OSBP2: variants seen among roughly 807,000 people sequenced by gnomAD.
OSBP2 encodes the protein oxysterol binding protein 2.
A neutral mutation model predicts 96.0 loss-of-function variants in OSBP2; 66 were observed. That is an observed-to-expected ratio of 0.69 (90% CI 0.56 to 0.84). The LOEUF (loss-of-function observed/expected upper bound fraction) is 0.84. OSBP2 is among the 40% of genes least tolerant of loss of function. The probability of loss-of-function intolerance (pLI) is 0.00; values close to 1 mark genes in which losing one functional copy is unlikely to be tolerated. For synonymous variants in OSBP2, 525 were observed against 520.9 expected, an observed-to-expected ratio of 1.01 and a Z score of -0.11; for missense variants, 1,038 against 1,222.7, an observed-to-expected ratio of 0.85 and a Z score of 2.25.
intron 2 of OSBP2, among the ~76,000 whole-genome samples, chr22:30,745,491 T>G (rs888856268): frequency 6.6e-6 from 1 of 151,766 alleles, no homozygotes; most frequent in Admixed American, 6.6e-5. Flanking sequence ...TAAGCCCCAT[T>G]TCTACTAAAA....
At chr22:30,753,204 G>C (rs938276100) in intron 2 of OSBP2, among the ~76,000 whole-genome samples, 17 of 152,150 alleles carry the variant, frequency 1.1e-4, no homozygotes, top group African/African-American at 3.9e-4. Flanking sequence ...ATATGGATTA[G>C]CACAGTGTAA....
At chr22:30,864,612 G>A (rs1440106726) in intron 2 of OSBP2, among the ~76,000 whole-genome samples, 3 of 152,176 alleles carry the variant, frequency 2.0e-5, no homozygotes, top group East Asian at 1.9e-4. Context: ...CCAGGACCCC[G>A]TGAGTGCGCA....
At chr22:30,857,436 C>T (rs1477209656) in intron 2 of OSBP2, among the ~76,000 whole-genome samples, 2 of 152,212 alleles carry the variant, frequency 1.3e-5, no homozygotes, top group East Asian at 1.9e-4. Flanking sequence ...CTCTGCAGCG[C>T]ATTTGGGTGG....
intron 2 of OSBP2, among the ~76,000 whole-genome samples, chr22:30,865,224 C>T (rs765911830): frequency 1.3e-5 from 2 of 152,156 alleles, no homozygotes; most frequent in Admixed American, 6.5e-5. Context: ...GCCAGAGCCA[C>T]CTATTACAGG....
chr22:30,785,747 T>G (rs998116760), intron 2 of OSBP2, among the ~76,000 whole-genome samples: 1 of 152,042 alleles, frequency 6.6e-6, no homozygotes, highest in African/African-American at 2.4e-5. Context: ...TGGGGGCAGA[T>G]TTCCCCCCTG....
At chr22:30,822,498 C>G (rs973685262) in intron 2 of OSBP2, 17 of 1,134,744 alleles carry the variant, frequency 1.5e-5, no homozygotes, top group Non-Finnish European at 1.9e-5. Flanking sequence ...ATTGTGGTAA[C>G]GCGGCGCCGG....
At chr22:30,717,107 T>G (rs1365997362) in intron 1 of OSBP2, among the ~76,000 whole-genome samples, 1 of 144,974 alleles carries the variant, frequency 6.9e-6, no homozygotes, top group Non-Finnish European at 1.5e-5. Context: ...TGTGTGTGTG[T>G]GTGTGTGTGT....
At position 30,883,358 on chromosome 22, in the gene OSBP2, G is replaced by A. The variant is rs190188440; in HGVS notation, c.1108-4068G>A. 2.0e-3 allele frequency among the ~76,000 whole-genome samples: 304 copies of A among 152,320 alleles called. 2 individuals carry two copies. The highest frequency in any genetic ancestry group is 3.2e-3 in the Non-Finnish European group (221 of 68,016). ...CCGATTAGCCCCTTCTCCCAGTCCC[G>A]GGATGCAGGGGACTTCCCTGAAGCA... is the stretch of plus-strand genomic sequence containing the variant. On this transcript the variant is annotated intron_variant, in intron 3 of 13. Coordinates refer to ENST00000332585, the MANE Select transcript of OSBP2 (RefSeq NM_030758.4).
rs376739005 is a variant in OSBP2 at position 30,870,398 on chromosome 22, A to G, written c.854-31A>G. The G allele has an allele frequency of 6.2e-6, 10 of 1,611,106 alleles. No homozygotes were observed. The African/African-American group carries it at 1.2e-4, about 19-fold the overall frequency. The stretch of plus-strand genomic sequence containing the variant: ...CCTCTTGGTACCACGTCTGTTCGTA[A>G]TGACCGTAACAACTCTATTTTCTTC... On this transcript the variant is annotated intron_variant, in intron 2 of 13. Transcript: ENST00000332585. This position sits in a 1 kb window ranked among gnomAD's most constrained non-coding sequence, Gnocchi z 4.1.
In OSBP2 at chr22:30,706,984, C is replaced by T. The variant is rs8141399; in HGVS notation, c.644+11431C>T. 6.7e-3 allele frequency among the ~76,000 whole-genome samples: 1,024 copies of T among 152,272 alleles called. 12 individuals carry two copies. Among genetic ancestry groups the T allele is most frequent in the African/African-American group, 0.022 (896 of 41,558 alleles). ...AGCTGGGTATTCGTCCTTCTCTCTC[C>T]GTTAGATCAATACCTCCCTCCTCCC... On this transcript the variant is annotated intron_variant, in intron 1 of 13. Transcript: ENST00000332585.
chr22:30,854,777 G>C (rs1011641329), intron 2 of OSBP2, among the ~76,000 whole-genome samples: 2 of 152,098 alleles, frequency 1.3e-5, no homozygotes, highest in African/African-American at 4.8e-5. Flanking sequence ...TATGGAGTAA[G>C]TGTACTTGTC....
At chr22:30,844,596 A>C (rs1265177804) in intron 2 of OSBP2, 1 of 152,774 alleles carries the variant, frequency 6.5e-6, no homozygotes, top group African/African-American at 2.4e-5. Flanking sequence ...AAGAGAGTTA[A>C]GGGCTTGCTC....
At chr22:30,730,716 G>GTGTCTCTCTCTCTCTCTCTCTC (rs2089736793) in intron 1 of OSBP2, among the ~76,000 whole-genome samples, 1 of 19,962 alleles carries the variant, frequency 5.0e-5, no homozygotes, top group Non-Finnish European at 9.6e-5. Flanking sequence ...TCGCTGCCCT[G>GTGTCTCTCTCTCTCTCTCTCTC]TCTCTCTCTC....
At chr22:30,854,931 T>C (rs907874394) in intron 2 of OSBP2, among the ~76,000 whole-genome samples, 1 of 151,986 alleles carries the variant, frequency 6.6e-6, no homozygotes, top group African/African-American at 2.4e-5. Context: ...CATGTCCTTC[T>C]TCACATGGCA....
chr22:30,891,227 C>T (rs9606782), intron 8 of OSBP2, among the ~76,000 whole-genome samples: 4 of 152,254 alleles, frequency 2.6e-5, no homozygotes, highest in African/African-American at 9.6e-5. Context: ...TTGCAGGGAG[C>T]GGGAGGATAA....
chr22:30,904,140 GCCTAGGAAAGAGAC>G (rs919274366), intron 12 of OSBP2, among the ~76,000 whole-genome samples: 4 of 152,204 alleles, frequency 2.6e-5, no homozygotes, highest in African/African-American at 7.2e-5. Context: ...GGCAGCAAGG[GCCTAGGAAAGAGAC>G]CCTTGCAGGG....
chr22:30,906,018 C>A lies in OSBP2; in HGVS notation c.2557C>A (p.Arg853Ser). The part of the protein sequence containing the change: ...RLEEKQRLSR[R>S]RRLEACGPGS... ...GGAGGAGAAGCAGCGCCTGTCGCGG[C>A]GCCGGCGGCTGGAGGCCTGCGGGCC... Residue 853 changes from arginine (R) to serine (S), a missense_variant, in exon 13 of 14, where the codon CGC (arginine) becomes AGC (serine). Physicochemically the swap from Arg to Ser is moderately radical, Grantham distance 110 (BLOSUM62 -1). Around this residue, in one of 3 missense-constraint regions of OSBP2, gnomAD observed 737 missense variants for 913.3 expected, o/e 0.81. Transcript: ENST00000332585. The A allele has an allele frequency of 1.3e-6, 2 of 1,575,508 alleles. No homozygotes were observed. The highest frequency in any genetic ancestry group is 2.3e-5 in the South Asian group (2 of 87,402).
At chr22:30,826,797 G>A (rs1328421048) in intron 2 of OSBP2, among the ~76,000 whole-genome samples, 2 of 152,166 alleles carry the variant, frequency 1.3e-5, no homozygotes, top group Admixed American at 6.5e-5. Flanking sequence ...CTCTGGTTGG[G>A]GGCCTCAGCT....
Position 30,865,096 on chromosome 22 carries a change from A to G in OSBP2, c.854-5333A>G, listed in dbSNP as rs142720771. On this transcript the variant is annotated intron_variant, in intron 2 of 13. Coordinates refer to ENST00000332585, the MANE Select transcript of OSBP2 (RefSeq NM_030758.4). ...AAGATGAGAAAAAAGCTCCACTTCT[A>G]AAAATAGCCCACCTGGCTCCCCTGC... Among the ~76,000 whole-genome samples, 288 of 152,260 alleles carry G rather than the reference A, an allele frequency of 1.9e-3. 4 individuals carry two copies. The East Asian group carries it at 0.033, about 17-fold the overall frequency.
Sources: allele counts gnomAD v4.1 joint callset (sites outside exome capture counted in the v4.1 genomes callset), GRCh38; gene constraint gnomAD v4.1.1; regional missense constraint gnomAD v4.1.1; non-coding constraint Gnocchi (gnomAD v3.1); transcripts MANE v1.5; gene names NCBI Gene and HGNC (gene_info 2026-07-23, HGNC 2026-07-21).